EPHA6: variants seen among roughly 807,000 people sequenced by gnomAD.
The protein encoded by EPHA6 is ephrin type-A receptor 6.
A neutral mutation model predicts 112.0 loss-of-function variants in EPHA6; 50 were observed. The ratio of observed to expected loss-of-function variants is 0.45; its 90% CI spans 0.36 to 0.56. The LOEUF (loss-of-function observed/expected upper bound fraction) is 0.56, where lower values mean the gene tolerates loss of function less well. EPHA6 is among the 20% of genes least tolerant of loss of function. The pLI is 0.00. For missense variants in EPHA6, 1,280 were observed against 1,417.4 expected (o/e 0.90, Z 1.56); for synonymous variants, 529 against 490.7 (o/e 1.08, Z -1.03).
At chr3:96,927,297 C>T (rs963152258) in intron 2 of EPHA6, among the ~76,000 whole-genome samples, 1 of 152,182 alleles carries the variant, frequency 6.6e-6, no homozygotes, top group African/African-American at 2.4e-5. Context: ...CCCTTCTAGG[C>T]CTTAGAGCCT....
intron 14 of EPHA6, among the ~76,000 whole-genome samples, chr3:97,679,321 G>A (rs1258580009): frequency 6.6e-6 from 1 of 152,106 alleles, no homozygotes; most frequent in Non-Finnish European, 1.5e-5. Flanking sequence ...CCCACACACA[G>A]TCAGGTAGTT....
chr3:97,664,300 A>C (rs1368151093), intron 14 of EPHA6, among the ~76,000 whole-genome samples: 1 of 152,104 alleles, frequency 6.6e-6, no homozygotes, highest in African/African-American at 2.4e-5. Context: ...GTTCACTCTG[A>C]TGGTAGTTTC....
At chr3:97,132,861 G>A (rs955260958) in intron 3 of EPHA6, among the ~76,000 whole-genome samples, 13 of 151,860 alleles carry the variant, frequency 8.6e-5, no homozygotes, top group African/African-American at 2.2e-4. Flanking sequence ...ATTCACCCAG[G>A]GCTAAGCTTG....
chr3:97,626,298 G>A (rs982200236), intron 13 of EPHA6, among the ~76,000 whole-genome samples: 1 of 151,708 alleles, frequency 6.6e-6, no homozygotes, highest in African/African-American at 2.4e-5. Context: ...CTTGGTCCTG[G>A]AGAAAAATAA....
chr3:97,659,552 T>C (rs1449906731), intron 14 of EPHA6, among the ~76,000 whole-genome samples: 1 of 151,848 alleles, frequency 6.6e-6, no homozygotes, highest in African/African-American at 2.4e-5. Flanking sequence ...CATAATCTAA[T>C]TGATACACAT....
chr3:96,829,050 G>T (rs1312089472), intron 1 of EPHA6, among the ~76,000 whole-genome samples: 1 of 152,042 alleles, frequency 6.6e-6, no homozygotes, highest in African/African-American at 2.4e-5. Context: ...ACTTTGTTTT[G>T]GAGGTTGGAA....
chr3:96,976,685 G>A (rs879584872), intron 2 of EPHA6, among the ~76,000 whole-genome samples: 13 of 152,054 alleles, frequency 8.5e-5, no homozygotes, highest in Non-Finnish European at 1.8e-4. Flanking sequence ...AGCTTTAGAT[G>A]GTCTTGCCCG....
At chr3:97,541,667 A>G (rs950631427) in intron 11 of EPHA6, among the ~76,000 whole-genome samples, 2 of 149,252 alleles carry the variant, frequency 1.3e-5, no homozygotes, top group African/African-American at 4.9e-5. Flanking sequence ...TTTCATGTGC[A>G]CTAATCAGTT....
intron 14 of EPHA6, among the ~76,000 whole-genome samples, chr3:97,696,506 T>A (rs909329339): frequency 4.6e-5 from 7 of 152,212 alleles, no homozygotes; most frequent in African/African-American, 1.4e-4. Context: ...CATTCCCTTC[T>A]GTATTGGCAC....
At chr3:97,374,731 T>A (rs979865939) in intron 5 of EPHA6, among the ~76,000 whole-genome samples, 1 of 152,086 alleles carries the variant, frequency 6.6e-6, no homozygotes, top group African/African-American at 2.4e-5. Flanking sequence ...TGTATCCAGT[T>A]TAGCTTCTAC....
chr3:96,894,014 C>G (rs1467229548), intron 2 of EPHA6, among the ~76,000 whole-genome samples: 1 of 152,152 alleles, frequency 6.6e-6, no homozygotes, highest in Non-Finnish European at 1.5e-5. Flanking sequence ...CGTCTCTATT[C>G]TGGAAACAGA....
chr3:96,848,283 G>C (rs1348463526), intron 1 of EPHA6, among the ~76,000 whole-genome samples: 2 of 151,946 alleles, frequency 1.3e-5, no homozygotes, highest in East Asian at 3.9e-4. Flanking sequence ...TCCAGTCCAA[G>C]TCTAAGAAAA....
chr3:97,312,733 G>A (rs960802384), intron 5 of EPHA6, among the ~76,000 whole-genome samples: 8 of 150,504 alleles, frequency 5.3e-5, no homozygotes, highest in African/African-American at 1.9e-4. Flanking sequence ...TGCATTTATT[G>A]ATATAATTAT....
At chr3:97,444,711 T>C (rs1015083317) in intron 6 of EPHA6, among the ~76,000 whole-genome samples, 3 of 152,174 alleles carry the variant, frequency 2.0e-5, no homozygotes, top group Non-Finnish European at 4.4e-5. Context: ...TATCTCTGAC[T>C]GTAGAAAGAT....
At chr3:97,663,948 G>T (rs952717697) in intron 14 of EPHA6, among the ~76,000 whole-genome samples, 4 of 152,134 alleles carry the variant, frequency 2.6e-5, no homozygotes, top group Admixed American at 2.6e-4. Flanking sequence ...TACAGTTCCA[G>T]CAACAGTGTA....
At chr3:97,688,783 G>A (rs924381676) in intron 14 of EPHA6, among the ~76,000 whole-genome samples, 4 of 151,316 alleles carry the variant, frequency 2.6e-5, no homozygotes, top group Admixed American at 2.6e-4. Flanking sequence ...TTTCTAAATG[G>A]GATTACACTT....
intron 7 of EPHA6, among the ~76,000 whole-genome samples, chr3:97,459,822 A>G (rs1455271099): frequency 6.6e-6 from 1 of 152,194 alleles, no homozygotes; most frequent in Non-Finnish European, 1.5e-5. Flanking sequence ...CTTGGGAATC[A>G]TCAATTTAAA....
intron 2 of EPHA6, among the ~76,000 whole-genome samples, chr3:96,929,469 T>A (rs1337281465): frequency 6.6e-6 from 1 of 152,200 alleles, no homozygotes; most frequent in Non-Finnish European, 1.5e-5. Flanking sequence ...CTGAAAAGGA[T>A]TGTATTTCTC....
chr3:96,925,154 G>A (rs1464719214), intron 2 of EPHA6, among the ~76,000 whole-genome samples: 2 of 152,096 alleles, frequency 1.3e-5, no homozygotes, highest in East Asian at 1.9e-4. Context: ...GATGATGCTG[G>A]CCTCATAGAA....
Sources: gnomAD v4.1 joint callset for allele counts (sites outside exome capture counted in the v4.1 genomes callset) on GRCh38, gnomAD v4.1.1 for gene constraint, MANE v1.5 for transcripts, NCBI Gene and HGNC (gene_info 2026-07-23, HGNC 2026-07-21) for gene names.